MARK1: variants seen among roughly 807,000 people sequenced by gnomAD.
The protein encoded by MARK1 is serine/threonine-protein kinase MARK1.
In MARK1, 40 loss-of-function variants were observed where a neutral mutation model predicts 96.3. The ratio of observed to expected loss-of-function variants is 0.42; its 90% CI spans 0.32 to 0.54. MARK1 has a LOEUF of 0.54. Among genes scored for constraint, MARK1 ranks in the 20% least tolerant of loss-of-function variants. The probability of loss-of-function intolerance (pLI) is 0.16; values close to 1 mark genes in which losing one functional copy is unlikely to be tolerated. For missense variants in MARK1, 719 were observed against 984.6 expected, an observed-to-expected ratio of 0.73 and a Z score of 3.61; for synonymous variants, 317 against 341.2, an observed-to-expected ratio of 0.93 and a Z score of 0.78.
At chr1:220,642,507 G>C (rs527934372) in intron 13 of MARK1, among the ~76,000 whole-genome samples, 5 of 152,328 alleles carry the variant, frequency 3.3e-5, no homozygotes, top group Middle Eastern at 3.4e-3. Context: ...GAGCACCTGG[G>C]GGGAGGGGCA....
Position 220,581,056 on chromosome 1 carries a change from C to T in MARK1, c.256-9C>T. ...TTTCAAATAGAGTTTAATGATTCTT[C>T]TTTTTTAGGTTGCTGTGAAAATAAT... On this transcript the variant is annotated splice_polypyrimidine_tract_variant and intron_variant, in intron 2 of 17. Transcript: ENST00000366917. 8.1e-7 allele frequency: 1 copy of T among 1,237,074 alleles called. No individual in the cohort carries two copies. Among genetic ancestry groups the T allele is most frequent in the Non-Finnish European group, 1.1e-6 (1 of 929,868 alleles). 76.6% of individuals were successfully genotyped at this position (1,237,074 alleles called of 1,614,324 possible).
chr1:220,552,053 G>T (rs900072123), intron 1 of MARK1, among the ~76,000 whole-genome samples: 3 of 152,180 alleles, frequency 2.0e-5, no homozygotes, highest in African/African-American at 7.2e-5. Context: ...GATATAGTCC[G>T]TCTTACAGAC....
At position 220,583,702 on chromosome 1, in the gene MARK1, G is replaced by T. The variant is rs534759893; in HGVS notation, c.309+2584G>T. Among the ~76,000 whole-genome samples, 33 of 150,710 alleles carry T rather than the reference G, an allele frequency of 2.2e-4. No individual in the cohort carries two copies. The South Asian group carries it at 6.3e-3, about 29-fold the overall frequency. On this transcript the variant is annotated intron_variant, in intron 3 of 17. Transcript: ENST00000366917. Reference sequence around the variant, plus strand: ...CTTGCTCTGTTGCCCAGGCTGGAGTGCAGTGGCGCGATCTGAGCTCACTGC... The same window carrying T: ...CTTGCTCTGTTGCCCAGGCTGGAGTTCAGTGGCGCGATCTGAGCTCACTGC...
intron 14 of MARK1, 122 bp from the exon 15 acceptor site, chr1:220,651,864 A>G (rs757673029): frequency 1.6e-5 from 10 of 617,502 alleles, no homozygotes; most frequent in Non-Finnish European, 2.4e-5. Flanking sequence ...TTTCTTTCAA[A>G]TGTTTCAGTC....
intron 13 of MARK1, among the ~76,000 whole-genome samples, chr1:220,648,171 A>G (rs1222874270): frequency 6.6e-6 from 1 of 152,300 alleles, no homozygotes; most frequent in East Asian, 1.9e-4. Context: ...AATACTGTAT[A>G]TAAACTTATG....
chr1:220,579,019 T>G (rs1664051196), intron 1 of MARK1, among the ~76,000 whole-genome samples: 1 of 152,040 alleles, frequency 6.6e-6, no homozygotes, highest in African/African-American at 2.4e-5. Flanking sequence ...ATTTTTGTGT[T>G]TTTGTAGAGA....
chr1:220,604,782 A>G (rs536468611), intron 6 of MARK1, among the ~76,000 whole-genome samples: 6 of 152,206 alleles, frequency 3.9e-5, no homozygotes, highest in African/African-American at 1.2e-4. Context: ...AAGCATACAT[A>G]TAAGTTACCA....
chr1:220,536,982 A>AT (rs1011636229), intron 1 of MARK1, among the ~76,000 whole-genome samples: 193 of 138,662 alleles, frequency 1.4e-3, no homozygotes, highest in East Asian at 1.3e-3. Flanking sequence ...ATCTATTGTT[A>AT]TTTTTTTTTT....
chr1:220,562,677 C>T (rs1234511670), intron 1 of MARK1, among the ~76,000 whole-genome samples: 2 of 151,642 alleles, frequency 1.3e-5, no homozygotes, highest in Non-Finnish European at 2.9e-5. Flanking sequence ...CAGGACCTCC[C>T]TCAAAAAAAA....
At chr1:220,651,736 TTACA>T (rs1401810625) in intron 14 of MARK1, among the ~76,000 whole-genome samples, 1 of 152,194 alleles carries the variant, frequency 6.6e-6, no homozygotes, top group Non-Finnish European at 1.5e-5. Flanking sequence ...TTTCTCACAT[TTACA>T]TACATAGTGT....
At chr1:220,560,847 T>C (rs1662620935) in intron 1 of MARK1, among the ~76,000 whole-genome samples, 2 of 152,242 alleles carry the variant, frequency 1.3e-5, no homozygotes, top group African/African-American at 4.8e-5. Flanking sequence ...GGGAATACTG[T>C]ACTCAAAGTA....
intron 6 of MARK1, among the ~76,000 whole-genome samples, chr1:220,612,789 G>A (rs916957081): frequency 4.6e-5 from 7 of 151,832 alleles, no homozygotes; most frequent in African/African-American, 1.7e-4. Context: ...TTAATACTGT[G>A]TCAACAATAA....
At chr1:220,648,006 A>G (rs1233947713) in intron 13 of MARK1, among the ~76,000 whole-genome samples, 1 of 152,034 alleles carries the variant, frequency 6.6e-6, no homozygotes, top group Non-Finnish European at 1.5e-5. Context: ...ACATTTACCT[A>G]TGTAACCTGC....
intron 3 of MARK1, among the ~76,000 whole-genome samples, chr1:220,590,883 ATACTC>A (rs1019982709): frequency 6.6e-6 from 1 of 152,176 alleles, no homozygotes; most frequent in African/African-American, 2.4e-5. Context: ...ATTAAACAAT[ATACTC>A]AAGACATCTT....
chr1:220,535,202 T>G (rs1256645567), intron 1 of MARK1, among the ~76,000 whole-genome samples: 1 of 152,162 alleles, frequency 6.6e-6, no homozygotes, highest in Non-Finnish European at 1.5e-5. Context: ...GCAATTTCTC[T>G]ACATCCTCAC....
chr1:220,653,129 C>G lies in MARK1; in HGVS notation c.1765C>G (p.Pro589Ala), dbSNP rs771519498. The G allele has an allele frequency of 6.2e-7, 1 of 1,614,224 alleles. No homozygotes were observed. The highest frequency in any genetic ancestry group is 1.7e-5 in the Admixed American group (1 of 60,032). ...AACCCAGAGAGTGCCTGCTGCTTCC[C>G]CATCTGCTCACAGTATTAGTACTGC... is the stretch of plus-strand genomic sequence containing the variant. ...GTTQRVPAAS[P>A]SAHSISTATP... Residue 589 changes from proline to alanine, a missense_variant, in exon 16 of 18, where the codon CCA (proline) becomes GCA (alanine). By Grantham distance (27) the Pro-to-Ala change is conservative. Around this residue, in one of 4 missense-constraint regions of MARK1, gnomAD observed 501 missense variants for 588.3 expected, o/e 0.85. Transcript: ENST00000366917.
intron 13 of MARK1, among the ~76,000 whole-genome samples, chr1:220,641,811 CT>C (rs1294680995): frequency 6.6e-6 from 1 of 152,192 alleles, no homozygotes; most frequent in Admixed American, 6.5e-5. Flanking sequence ...CACCCAGGAG[CT>C]GCACTGGGCA....
At chr1:220,622,740 T>G (rs1667112532) in intron 9 of MARK1, among the ~76,000 whole-genome samples, 1 of 152,048 alleles carries the variant, frequency 6.6e-6, no homozygotes, top group African/African-American at 2.4e-5. Flanking sequence ...CTACATTAGC[T>G]GGGCGTGGTG....
chr1:220,604,156 A>C lies in MARK1; in HGVS notation c.495+19A>C. 6.3e-7 allele frequency: 1 copy of C among 1,578,590 alleles called. No homozygotes were observed. The highest frequency in any genetic ancestry group is 1.3e-5 in the African/African-American group (1 of 74,098). ...TAGGCAGGTATGGAAAGTAGTTTTC[A>C]ACTTTGTTTTGCTGATAATTGTAGC... On this transcript the variant is annotated intron_variant, in intron 6 of 17. Coordinates refer to ENST00000366917, the MANE Select transcript of MARK1 (RefSeq NM_018650.5).
Sources: gnomAD v4.1 joint callset for allele counts (sites outside exome capture counted in the v4.1 genomes callset) on GRCh38, gnomAD v4.1.1 for gene constraint, gnomAD v4.1.1 regional missense constraint, MANE v1.5 for transcripts, NCBI Gene and HGNC (gene_info 2026-07-23, HGNC 2026-07-21) for gene names.